ENKD1: variants seen among roughly 807,000 people sequenced by gnomAD.
ENKD1 encodes the protein enkurin domain-containing protein 1.
In ENKD1, 39 loss-of-function variants were observed where a neutral mutation model predicts 35.8. That is an observed-to-expected ratio of 1.09 (90% CI 0.84 to 1.42). ENKD1 has a LOEUF of 1.42. Ranked by LOEUF, ENKD1 falls within the 40% of genes most tolerant of loss-of-function variation. The pLI, the probability that ENKD1 is intolerant of heterozygous loss-of-function variation, is 0.00. For synonymous variants in ENKD1, 205 were observed against 198.6 expected (o/e 1.03, Z -0.27); for missense variants, 474 against 471.3 (o/e 1.01, Z -0.05).
chr16:67,666,179 A>G lies in ENKD1; in HGVS notation c.172T>C (p.Cys58Arg). ...ATCTCTCCGGCACCGGGACCGATGC[A>G]GGGGCCACGGGGAGCGGTGGTGTCC... ...ALDTTAPRGP[C>R]IGPGAGEILE... The change falls in exon 2 of 7, where the codon TGC becomes CGC. Residue 58 changes from cysteine (C) to arginine (R), a missense_variant. By Grantham distance (180) the Cys-to-Arg change is radical (BLOSUM62 -3). Transcript: ENST00000243878. 4 of 1,612,336 alleles carry G rather than the reference A, an allele frequency of 2.5e-6. No individual in the cohort carries two copies. The East Asian group carries it at 6.7e-5, about 27-fold the overall frequency.
In ENKD1 at chr16:67,663,179, G is replaced by A. The variant is rs1250162909; in HGVS notation, c.1023C>T (p.Phe341=). Residue 341 remains phenylalanine, a synonymous_variant, in exon 7 of 7, where the codon TTC becomes TTT. Coordinates refer to ENST00000243878, the MANE Select transcript of ENKD1 (RefSeq NM_032140.3). The part of the protein sequence containing the change: ...AIKIFSRPKV[F]VKMDD ...AAGGGGCTCAGTCGTCCATCTTCACGAAGACTTTGGGCCGAGAAAAGATCT... is the reference window on the plus strand; with the variant it reads ...AAGGGGCTCAGTCGTCCATCTTCACAAAGACTTTGGGCCGAGAAAAGATCT... 11 of 1,613,900 alleles carry A rather than the reference G, an allele frequency of 6.8e-6. No individual in the cohort carries two copies. The highest frequency in any genetic ancestry group is 2.7e-5 in the African/African-American group (2 of 74,918).
chr16:67,663,577 AGTTGATGACCCGAGGGCAGAG>A (rs777709753), intron 5 of ENKD1, 21 bp from the exon 6 acceptor site: 4 of 1,608,698 alleles, frequency 2.5e-6, no homozygotes, highest in Middle Eastern at 1.7e-4. Context: ...ACAGGCTCAG[AGTTGATGACCCGAGGGCAGAG>A]GTTGGTTCCC....
In ENKD1 at chr16:67,666,062, G is replaced by A. The variant is rs2053097082; in HGVS notation, c.280+9C>T. On this transcript the variant is annotated intron_variant, in intron 2 of 6. Transcript: ENST00000243878. Reference sequence around the variant, plus strand: ...CCTCTCTGTCCCTTCTTCCATTCCTGGGACTTACTCTTGAGAGAGGCCCCA... The same window carrying A: ...CCTCTCTGTCCCTTCTTCCATTCCTAGGACTTACTCTTGAGAGAGGCCCCA... The A allele has an allele frequency of 1.9e-6, 3 of 1,610,988 alleles. No individual in the cohort carries two copies. The South Asian group carries it at 3.3e-5, about 18-fold the overall frequency.
intron 3 of ENKD1, 50 bp downstream of exon 3, chr16:67,664,946 C>T (rs1358852577): frequency 1.9e-6 from 3 of 1,549,796 alleles, no homozygotes; most frequent in Non-Finnish European, 2.6e-6. Flanking sequence ...GGTACAGTTG[C>T]CTGTTGGCCA....
Position 67,663,088 on chromosome 16 carries a change from G to T in ENKD1, c.*73C>A. The T allele has an allele frequency of 1.9e-6, 3 of 1,571,930 alleles. No individual in the cohort carries two copies. Among genetic ancestry groups the T allele is most frequent in the South Asian group, 1.2e-5 (1 of 84,594 alleles). ...CTTCAGACCTCTGCTCTGGGATTGGGTCCAACCCTGTCCTTTGCAGCCATG... is the reference window on the plus strand; with the variant it reads ...CTTCAGACCTCTGCTCTGGGATTGGTTCCAACCCTGTCCTTTGCAGCCATG... On this transcript the variant is annotated 3_prime_UTR_variant, in exon 7 of 7. Transcript: ENST00000243878.
chr16:67,664,017 C>T lies in ENKD1; in HGVS notation c.499G>A (p.Ala167Thr). The T allele has an allele frequency of 1.3e-6, 2 of 1,569,108 alleles. No homozygotes were observed. Among genetic ancestry groups the T allele is most frequent in the Non-Finnish European group, 1.7e-6 (2 of 1,156,344 alleles). Residue 167 changes from alanine (A) to threonine (T), a missense_variant, in exon 4 of 7, where the codon GCG becomes ACG. Physicochemically the swap from Ala to Thr is moderately conservative, Grantham distance 58 (BLOSUM62 0). Coordinates refer to ENST00000243878, the MANE Select transcript of ENKD1 (RefSeq NM_032140.3). Reference protein sequence around the residue: ...SGTESAHFLRAHSRCGPGLPP... With the variant: ...SGTESAHFLRTHSRCGPGLPP... The stretch of plus-strand genomic sequence containing the variant: ...AGGCCAGGGCCGCAGCGGGAGTGCG[C>T]CCGCAGGAAGTGGGCAGACTCTGTC...
In ENKD1 at chr16:67,664,039, T is replaced by A; in HGVS notation, c.477A>T (p.Thr159=). The change falls in exon 4 of 7, where the codon ACA becomes ACT. Residue 159 remains threonine (T), a synonymous_variant. Coordinates refer to ENST00000243878, the MANE Select transcript of ENKD1 (RefSeq NM_032140.3). ...GCGCCCGCAGGAAGTGGGCAGACTCTGTCCCAGAGGCAGGGCCAGGCTCCT... is the reference window on the plus strand; with the variant it reads ...GCGCCCGCAGGAAGTGGGCAGACTCAGTCCCAGAGGCAGGGCCAGGCTCCT... ...QLQEPGPASG[T]ESAHFLRAHS... The A allele has an allele frequency of 1.3e-6, 2 of 1,560,726 alleles. No individual in the cohort carries two copies. The highest frequency in any genetic ancestry group is 1.7e-6 in the Non-Finnish European group (2 of 1,151,880).
chr16:67,665,244 C>G (rs2053085803), intron 2 of ENKD1, 76 bp from the exon 3 acceptor site: 4 of 1,495,284 alleles, frequency 2.7e-6, no homozygotes, highest in Admixed American at 4.3e-5. Context: ...CACACACAGG[C>G]CTGCCCCCTG....
In ENKD1 at chr16:67,663,672, CCCTTCTGCGTGGCATTGTAGTGCT is replaced by C. The variant is rs1403118743; in HGVS notation, c.704_727del (p.Glu235_Lys242del). 6.2e-7 allele frequency: 1 copy of C among 1,612,062 alleles called. No homozygotes were observed. Among genetic ancestry groups the C allele is most frequent in the Middle Eastern group, 1.7e-4 (1 of 6,060 alleles). On this transcript the variant is annotated inframe_deletion, in exon 5 of 7. Coordinates refer to ENST00000243878, the MANE Select transcript of ENKD1 (RefSeq NM_032140.3). The stretch of plus-strand genomic sequence containing the variant: ...TGAGACCTACTAATGTGGCACATGG[CCCTTCTGCGTGGCATTGTAGTGCT>C]CCTGGGCCTGCCGCTGCTGCTCTAG...
Position 67,666,657 on chromosome 16 carries a change from T to C in ENKD1, c.-215A>G. ...CTCCCAGCCCACTTCTCGGTCCCGC[T>C]CGCGGCCTCTCCCCCGCGGCACTCG... On this transcript the variant is annotated 5_prime_UTR_variant, in exon 1 of 7. Transcript: ENST00000243878. The C allele has an allele frequency of 2.0e-6, 1 of 507,894 alleles. No individual in the cohort carries two copies. The highest frequency in any genetic ancestry group is 3.4e-6 in the Non-Finnish European group (1 of 295,586). The allele number at this position is 507,894 out of a possible 1,614,324, so 31.5% of individuals were successfully genotyped here.
At position 67,665,050 on chromosome 16, in the gene ENKD1, C is replaced by T; in HGVS notation, c.399G>A (p.Leu133=). ...EQGQPRPLKA[L]WRSPKYDKVE... Reference sequence around the variant, plus strand: ...CCTTGTCGTACTTGGGTGAGCGCCACAGAGCTTTCAGGGGCCTGGGCTGGC... The same window carrying T: ...CCTTGTCGTACTTGGGTGAGCGCCATAGAGCTTTCAGGGGCCTGGGCTGGC... Residue 133 remains leucine (L), a synonymous_variant, in exon 3 of 7, where the codon CTG becomes CTA. Transcript: ENST00000243878. 1 of 1,613,720 alleles carries T rather than the reference C, an allele frequency of 6.2e-7. No homozygotes were observed. Among genetic ancestry groups the T allele is most frequent in the Non-Finnish European group, 8.5e-7 (1 of 1,179,894 alleles).
Position 67,666,675 on chromosome 16 carries a change from G to C in ENKD1, c.-233C>G. 2 of 504,408 alleles carry C rather than the reference G, an allele frequency of 4.0e-6. No individual in the cohort carries two copies. The highest frequency in any genetic ancestry group is 6.9e-6 in the Non-Finnish European group (2 of 291,490). The allele number at this position is 504,408 out of a possible 1,614,324, so 31.2% of individuals were successfully genotyped here. A position where few individuals can be genotyped will look rare whatever the true frequency, so the allele number is the denominator to read the frequency against. On this transcript the variant is annotated 5_prime_UTR_variant, in exon 1 of 7. Transcript: ENST00000243878. ...GTCCCGCTCGCGGCCTCTCCCCCGC[G>C]GCACTCGGGCAGGGGCTCACTCGAG...
At chr16:67,665,240 C>G in intron 2 of ENKD1, 72 bp from the exon 3 acceptor site, 1 of 1,513,484 alleles carries the variant, frequency 6.6e-7, no homozygotes, top group South Asian at 1.3e-5. Context: ...AGTTCACACA[C>G]AGGCCTGCCC....
chr16:67,666,370 G>T lies in ENKD1; in HGVS notation c.73C>A (p.Arg25=). 1.9e-6 allele frequency: 3 copies of T among 1,577,360 alleles called. No homozygotes were observed. Among genetic ancestry groups the T allele is most frequent in the Non-Finnish European group, 8.6e-7 (1 of 1,168,250 alleles). Residue 25 remains arginine (R), a synonymous_variant, in exon 1 of 7, where the codon CGG becomes AGG. Coordinates refer to ENST00000243878, the MANE Select transcript of ENKD1 (RefSeq NM_032140.3). Reference sequence around the variant, plus strand: ...CCCCCGGACTCACCCGAGGTCGGCCGCCTGTAGTTGTCAGGACAGAGCGTC... The same window carrying T: ...CCCCCGGACTCACCCGAGGTCGGCCTCCTGTAGTTGTCAGGACAGAGCGTC... ...DPTLCPDNYR[R]PTSAQGRLEG...
intron 3 of ENKD1, chr16:67,664,287 AC>A: frequency 1.6e-6 from 1 of 637,430 alleles, no homozygotes; most frequent in Non-Finnish European, 2.9e-6. Context: ...TGGCCCAGCT[AC>A]CACTCTCTTT....
Position 67,666,402 on chromosome 16 carries a change from G to C in ENKD1, c.41C>G (p.Pro14Arg), listed in dbSNP as rs764306657. ...GTTGTCAGGACAGAGCGTCGGGTCTGGGGGGATGGGCCCCGAGATGCGGGA... is the reference window on the plus strand; with the variant it reads ...GTTGTCAGGACAGAGCGTCGGGTCTCGGGGGATGGGCCCCGAGATGCGGGA... ...GPSRISGPIP[P>R]DPTLCPDNYR... Residue 14 changes from proline (P) to arginine (R), a missense_variant, in exon 1 of 7, where the codon CCA (proline) becomes CGA (arginine). Physicochemically the swap from Pro to Arg is moderately radical, Grantham distance 103 (BLOSUM62 -2). Coordinates refer to ENST00000243878, the MANE Select transcript of ENKD1 (RefSeq NM_032140.3). The C allele has an allele frequency of 3.0e-5, 47 of 1,561,448 alleles. No individual in the cohort carries two copies. The Middle Eastern group carries it at 6.3e-4, about 21-fold the overall frequency.
At position 67,663,817 on chromosome 16, in the gene ENKD1, G is replaced by C; in HGVS notation, c.583C>G (p.Pro195Ala). ...CGAATGAAGTCCACCCCCAGGCCTGGCTCCTGCAGGACACAGCAAGCGTGG... is the reference window on the plus strand; with the variant it reads ...CGAATGAAGTCCACCCCCAGGCCTGCCTCCTGCAGGACACAGCAAGCGTGG... ...PTPPGPEAKE[P>A]GLGVDFIRHN... Residue 195 changes from proline (P) to alanine (A), a missense_variant, in exon 5 of 7, where the codon CCA becomes GCA. Coordinates refer to ENST00000243878, the MANE Select transcript of ENKD1 (RefSeq NM_032140.3). 1 of 1,604,816 alleles carries C rather than the reference G, an allele frequency of 6.2e-7. No individual in the cohort carries two copies. The highest frequency in any genetic ancestry group is 8.5e-7 in the Non-Finnish European group (1 of 1,175,166).
intron 3 of ENKD1, chr16:67,664,311 C>T (rs944503349): frequency 3.4e-6 from 2 of 583,924 alleles, no homozygotes; most frequent in African/African-American, 3.7e-5. Context: ...TCCTTCCTAG[C>T]CAAGCTTCCT....
chr16:67,664,316 C>A, intron 3 of ENKD1: 1 of 569,630 alleles, frequency 1.8e-6, no homozygotes, highest in Non-Finnish European at 3.3e-6. Flanking sequence ...CCTAGCCAAG[C>A]TTCCTGGCTC....
Sources: gnomAD v4.1 joint callset for allele counts on GRCh38, gnomAD v4.1.1 for gene constraint, MANE v1.5 for transcripts, NCBI Gene and HGNC (gene_info 2026-07-23, HGNC 2026-07-21) for gene names.